Variants in MAGED1 observed in about 807,000 individuals in gnomAD.
The protein encoded by MAGED1 is MAGE family member D1.
Under a neutral mutation model 54.1 loss-of-function variants are expected in MAGED1, and 3 were observed. That is an observed-to-expected ratio of 0.06 (90% confidence interval 0.03 to 0.14). MAGED1 has a LOEUF of 0.14. Among genes scored for constraint, MAGED1 ranks in the 10% least tolerant of loss-of-function variants. MAGED1 has a pLI of 1.00. For missense variants in MAGED1, 485 were observed against 623.4 expected, an observed-to-expected ratio of 0.78 and a Z score of 2.36; for synonymous variants, 217 against 227.3, an observed-to-expected ratio of 0.95 and a Z score of 0.41.
chrX:51,824,520 T>G (rs1383892178), intron 1 of MAGED1, among the ~76,000 whole-genome samples: 4 of 110,680 alleles, frequency 3.6e-5, no homozygotes, highest in Non-Finnish European at 5.7e-5. Flanking sequence ...TTTTCCTACT[T>G]GGTGTTTGTT....
intron 1 of MAGED1, among the ~76,000 whole-genome samples, chrX:51,851,487 A>G (rs1393944863): frequency 2.7e-5 from 3 of 111,256 alleles, no homozygotes; most frequent in African/African-American, 9.8e-5. Flanking sequence ...TTTTTTTCCT[A>G]TACATAATGT....
chrX:51,900,379 C>G, intron 11 of MAGED1, 83 bp downstream of exon 11: 1 of 757,170 alleles, frequency 1.3e-6, no homozygotes, highest in Non-Finnish European at 1.9e-6. Context: ...GGAATGAGAT[C>G]CTAGGTGTGG....
At chrX:51,841,364 AT>A (rs1926474342) in intron 1 of MAGED1, among the ~76,000 whole-genome samples, 2 of 109,338 alleles carry the variant, frequency 1.8e-5, no homozygotes, top group African/African-American at 6.7e-5. Flanking sequence ...GGTTGCAAAA[AT>A]TTTCTCCCAT....
Position 51,897,786 on chromosome X carries a change from C to T in MAGED1, c.1567-9C>T, listed in dbSNP as rs1928826335. The T allele has an allele frequency of 8.5e-7, 1 of 1,181,559 alleles. No homozygotes were observed. The highest frequency in any genetic ancestry group is 1.1e-6 in the Non-Finnish European group (1 of 870,157). On this transcript the variant is annotated splice_polypyrimidine_tract_variant and intron_variant, in intron 6 of 12. Transcript: ENST00000326587. ...TGTAATTTCATAGTCTGTTTTCTTG[C>T]CCCTGTAGAAATTTGGGATTCAACT...
chrX:51,832,197 T>C (rs782233159), intron 1 of MAGED1, among the ~76,000 whole-genome samples: 33 of 110,410 alleles, frequency 3.0e-4, no homozygotes, highest in African/African-American at 1.1e-3. Context: ...ACCTGGCTAA[T>C]TTTTGTATTT....
intron 1 of MAGED1, among the ~76,000 whole-genome samples, chrX:51,838,150 T>G (rs959280438): frequency 8.9e-6 from 1 of 112,511 alleles, no homozygotes; most frequent in Non-Finnish European, 1.9e-5. Context: ...TTTACTACTT[T>G]CCGCTGTCTC....
intron 1 of MAGED1, among the ~76,000 whole-genome samples, chrX:51,806,907 C>T (rs1229870522): frequency 3.6e-5 from 4 of 110,287 alleles, no homozygotes; most frequent in Non-Finnish European, 3.8e-5. Context: ...TCTGCCTCAG[C>T]CTCCCGAGTA....
chrX:51,889,911 A>G (rs1413807167), upstream of MAGED1, among the ~76,000 whole-genome samples: 2 of 112,458 alleles, frequency 1.8e-5, no homozygotes, highest in African/African-American at 6.5e-5. Flanking sequence ...ATGCTTTCCA[A>G]AAAAAGGTCT....
At chrX:51,838,380 T>C (rs1926332644) in intron 1 of MAGED1, among the ~76,000 whole-genome samples, 1 of 112,677 alleles carries the variant, frequency 8.9e-6, no homozygotes, top group Non-Finnish European at 1.9e-5. Flanking sequence ...TTTAAAGAAA[T>C]GTAGATGCTG....
At chrX:51,813,743 G>T (rs1302605755) in intron 1 of MAGED1, among the ~76,000 whole-genome samples, 1 of 111,515 alleles carries the variant, frequency 9.0e-6, no homozygotes. Flanking sequence ...AGCCATCATG[G>T]GGGGAAGGGA....
chrX:51,869,073 A>G (rs1170399437), intron 1 of MAGED1, among the ~76,000 whole-genome samples: 2 of 111,651 alleles, frequency 1.8e-5, no homozygotes, highest in African/African-American at 3.3e-5. Context: ...GGTTGTGAGT[A>G]TGTATGAAAT....
Position 51,898,136 on chromosome X carries a change from G to A in MAGED1, c.1681G>A (p.Gly561Ser). 1 of 1,210,589 alleles carries A rather than the reference G, an allele frequency of 8.3e-7. No individual in the cohort carries two copies. Among genetic ancestry groups the A allele is most frequent in the Non-Finnish European group, 1.1e-6 (1 of 894,553 alleles). Reference protein sequence around the residue: ...LGTTKDTPKLGLLLVILGVIF... With the variant: ...LGTTKDTPKLSLLLVILGVIF... ...TAGGACCAAAGACACACCCAAGCTC[G>A]GTCTCCTCTTGGTGATTCTGGGTGT... Residue 561 changes from glycine to serine, a missense_variant, in exon 8 of 13, where the codon GGT becomes AGT. By Grantham distance (56) the Gly-to-Ser change is moderately conservative (BLOSUM62 0). Coordinates refer to ENST00000326587, the MANE Select transcript of MAGED1 (RefSeq NM_006986.4).
chrX:51,866,138 G>A (rs782319875), intron 1 of MAGED1, among the ~76,000 whole-genome samples: 6 of 112,372 alleles, frequency 5.3e-5, no homozygotes, highest in Admixed American at 9.4e-5. Flanking sequence ...TTGAGCTCTA[G>A]AAAGTTTTTG....
At chrX:51,807,829 T>C (rs782669035) in intron 1 of MAGED1, among the ~76,000 whole-genome samples, 1 of 112,213 alleles carries the variant, frequency 8.9e-6, no homozygotes, top group African/African-American at 3.2e-5. Context: ...ACAACATGCC[T>C]TATGTATGGT....
chrX:51,826,131 C>T (rs1446013326), intron 1 of MAGED1, among the ~76,000 whole-genome samples: 2 of 112,556 alleles, frequency 1.8e-5, no homozygotes, highest in Non-Finnish European at 3.8e-5. Flanking sequence ...CTTGTTCTTA[C>T]TTAGTTCTGT....
intron 1 of MAGED1, among the ~76,000 whole-genome samples, chrX:51,859,551 G>A (rs782670860): frequency 1.1e-4 from 12 of 111,990 alleles, no homozygotes; most frequent in Non-Finnish European, 2.3e-4. Flanking sequence ...CCTGAAGTTG[G>A]TAGGCTGAAT....
upstream of MAGED1, chrX:51,893,545 T>C (rs1260818228): frequency 1.8e-5 from 2 of 113,989 alleles, no homozygotes; most frequent in Non-Finnish European, 3.7e-5. Context: ...GGACTGACTT[T>C]GGCTCTTCAG....
At chrX:51,805,843 T>G (rs1187526691) in intron 1 of MAGED1, among the ~76,000 whole-genome samples, 1 of 110,201 alleles carries the variant, frequency 9.1e-6, no homozygotes, top group African/African-American at 3.3e-5. Flanking sequence ...ATCTATCTAT[T>G]TTTTTATCTA....
chrX:51,891,857 C>G (rs1304444494), upstream of MAGED1, among the ~76,000 whole-genome samples: 2 of 112,215 alleles, frequency 1.8e-5, no homozygotes, highest in African/African-American at 6.5e-5. Context: ...AAACAGATAG[C>G]ATAGAAAATG....
Sources: allele counts gnomAD v4.1 joint callset (sites outside exome capture counted in the v4.1 genomes callset), GRCh38; gene constraint gnomAD v4.1.1; transcripts MANE v1.5; gene names NCBI Gene and HGNC (gene_info 2026-07-23, HGNC 2026-07-21).